The following MAGI3 variants were observed in gnomAD, a reference collection of about 807,000 sequenced individuals.
MAGI3 encodes membrane-associated guanylate kinase, WW and PDZ domain-containing protein 3.
Under a neutral mutation model 121.8 loss-of-function variants are expected in MAGI3, and 43 were observed. The observed-to-expected ratio is 0.35, with a 90% CI of 0.28 to 0.46. The LOEUF (loss-of-function observed/expected upper bound fraction) is 0.46, where lower values mean the gene tolerates loss of function less well. MAGI3 is among the 20% of genes least tolerant of loss of function. The pLI, the probability that MAGI3 is intolerant of heterozygous loss-of-function variation, is 1.00. For synonymous variants in MAGI3, 553 were observed against 639.3 expected (o/e 0.86, Z 2.04); for missense variants, 1,547 against 1,797.3 (o/e 0.86, Z 2.52).
intron 6 of MAGI3, among the ~76,000 whole-genome samples, chr1:113,613,476 G>T (rs188374042): frequency 1.8e-4 from 28 of 152,234 alleles, no homozygotes; most frequent in African/African-American, 6.7e-4. Flanking sequence ...AAACAGTATA[G>T]CTTGTCAAGT....
intron 1 of MAGI3, among the ~76,000 whole-genome samples, chr1:113,460,834 A>T (rs1322113304): frequency 6.6e-6 from 1 of 151,984 alleles, no homozygotes; most frequent in Non-Finnish European, 1.5e-5. Flanking sequence ...AGAAAACCCC[A>T]TAGGCTCAGC....
At chr1:113,495,425 T>C (rs949963888) in intron 1 of MAGI3, among the ~76,000 whole-genome samples, 15 of 151,908 alleles carry the variant, frequency 9.9e-5, no homozygotes, top group Admixed American at 3.3e-4. Flanking sequence ...TGAATAACTT[T>C]AGTGGTGATT....
At chr1:113,488,116 T>TA (rs1336427416) in intron 1 of MAGI3, among the ~76,000 whole-genome samples, 1 of 152,240 alleles carries the variant, frequency 6.6e-6, no homozygotes, top group African/African-American at 2.4e-5. Flanking sequence ...TATTTTAACT[T>TA]ACCGTTATTA....
chr1:113,437,777 C>G (rs867150428), intron 1 of MAGI3, among the ~76,000 whole-genome samples: 1 of 149,710 alleles, frequency 6.7e-6, no homozygotes, highest in South Asian at 2.1e-4. Context: ...CTTCTTCCTT[C>G]TTTCTTCTTC....
At chr1:113,640,270 A>T (rs901588542) in intron 9 of MAGI3, among the ~76,000 whole-genome samples, 8 of 144,972 alleles carry the variant, frequency 5.5e-5, no homozygotes, top group Non-Finnish European at 1.3e-4. Flanking sequence ...GAACGCTTTT[A>T]CACTATTGGT....
At chr1:113,431,997 A>G (rs1653325056) in intron 1 of MAGI3, among the ~76,000 whole-genome samples, 2 of 152,212 alleles carry the variant, frequency 1.3e-5, no homozygotes, top group East Asian at 3.8e-4. Context: ...CTTCACAGAG[A>G]TAGATAAATA....
chr1:113,466,775 G>A (rs79296425), intron 1 of MAGI3, among the ~76,000 whole-genome samples: 1 of 151,972 alleles, frequency 6.6e-6, no homozygotes, highest in African/African-American at 2.4e-5. Flanking sequence ...AGTCTCTAAT[G>A]ATTCTATTTC....
intron 6 of MAGI3, among the ~76,000 whole-genome samples, chr1:113,610,692 T>C (rs933077466): frequency 6.6e-6 from 1 of 152,108 alleles, no homozygotes; most frequent in Non-Finnish European, 1.5e-5. Context: ...ATTCTAACTT[T>C]TAAAAACCTG....
chr1:113,625,299 A>G (rs950507200), intron 9 of MAGI3, among the ~76,000 whole-genome samples: 2 of 152,216 alleles, frequency 1.3e-5, no homozygotes, highest in African/African-American at 4.8e-5. Context: ...TTTGGGTAGT[A>G]TTGAAAAGAA....
chr1:113,483,382 G>A (rs1656204277), intron 1 of MAGI3, among the ~76,000 whole-genome samples: 2 of 152,066 alleles, frequency 1.3e-5, no homozygotes, highest in Admixed American at 1.3e-4. Context: ...GGTAATGAGG[G>A]TAAAGCCCTC....
chr1:113,666,684 G>A (rs905867938), intron 16 of MAGI3, among the ~76,000 whole-genome samples: 7 of 152,142 alleles, frequency 4.6e-5, no homozygotes, highest in Admixed American at 2.0e-4. Flanking sequence ...CATGAATCAC[G>A]AATGTTCTTA....
chr1:113,391,132 C>T lies in MAGI3; in HGVS notation c.99C>T (p.Ile33=). Reference sequence around the variant, plus strand: ...CCCCGGGCGACTTCGGCGCGGAGATCCGCGGTGGCGCGGAGCGTGGCGAGT... The same window carrying T: ...CCCCGGGCGACTTCGGCGCGGAGATTCGCGGTGGCGCGGAGCGTGGCGAGT... ...AGPPGDFGAE[I]RGGAERGEFP... Residue 33 remains isoleucine, a synonymous_variant, in exon 1 of 21, where the codon ATC becomes ATT. Coordinates refer to ENST00000307546, the MANE Select transcript of MAGI3 (RefSeq NM_001142782.2). This position sits in a 1 kb window ranked among gnomAD's most constrained non-coding sequence, Gnocchi z 4.4. The T allele has an allele frequency of 4.5e-6, 7 of 1,570,010 alleles. No homozygotes were observed. The highest frequency in any genetic ancestry group is 6.0e-6 in the Non-Finnish European group (7 of 1,157,968).
intron 1 of MAGI3, among the ~76,000 whole-genome samples, chr1:113,519,912 G>C (rs971072131): frequency 2.0e-5 from 3 of 152,218 alleles, no homozygotes; most frequent in Admixed American, 1.3e-4. Context: ...CAGAATCCCA[G>C]GGGCTAGCCA....
chr1:113,426,739 A>G (rs1653026298), intron 1 of MAGI3, among the ~76,000 whole-genome samples: 1 of 151,932 alleles, frequency 6.6e-6, no homozygotes, highest in Non-Finnish European at 1.5e-5. Flanking sequence ...ACATGATATA[A>G]TTTTTTTTAT....
chr1:113,567,461 A>G (rs889443138), intron 2 of MAGI3, among the ~76,000 whole-genome samples: 1 of 152,086 alleles, frequency 6.6e-6, no homozygotes, highest in Non-Finnish European at 1.5e-5. Context: ...CAAAGACACA[A>G]TAAAGGAGAA....
chr1:113,672,246 C>A (rs1440492972), intron 17 of MAGI3, among the ~76,000 whole-genome samples: 1 of 152,168 alleles, frequency 6.6e-6, no homozygotes, highest in Non-Finnish European at 1.5e-5. Flanking sequence ...AAAATATTAG[C>A]CTAGATTTCC....
intron 1 of MAGI3, among the ~76,000 whole-genome samples, chr1:113,540,114 T>C (rs1659214373): frequency 6.6e-6 from 1 of 152,232 alleles, no homozygotes; most frequent in African/African-American, 2.4e-5. Flanking sequence ...ACATTACTTT[T>C]AATGATGTTG....
intron 1 of MAGI3, among the ~76,000 whole-genome samples, chr1:113,511,313 C>A (rs1370861538): frequency 6.6e-6 from 1 of 152,128 alleles, no homozygotes; most frequent in African/African-American, 2.4e-5. Flanking sequence ...ATTCACTTGA[C>A]AGTAAATATT....
intron 9 of MAGI3, among the ~76,000 whole-genome samples, chr1:113,641,071 TA>T (rs1652476833): frequency 1.7e-5 from 2 of 114,476 alleles, no homozygotes; most frequent in Non-Finnish European, 3.5e-5. Context: ...ATGATATATA[TA>T]ATATATATGA....
Sources: allele counts gnomAD v4.1 joint callset (sites outside exome capture counted in the v4.1 genomes callset), GRCh38; gene constraint gnomAD v4.1.1; non-coding constraint Gnocchi (gnomAD v3.1); transcripts MANE v1.5; gene names NCBI Gene and HGNC (gene_info 2026-07-23, HGNC 2026-07-21).